SYNPO2: variants seen among roughly 807,000 people sequenced by gnomAD.
The protein encoded by SYNPO2 is synaptopodin 2.
Under a neutral mutation model 85.0 loss-of-function variants are expected in SYNPO2, and 56 were observed. The ratio of observed to expected loss-of-function variants is 0.66; its 90% CI spans 0.53 to 0.82. The LOEUF (loss-of-function observed/expected upper bound fraction) is 0.82, where lower values mean the gene tolerates loss of function less well. SYNPO2 is among the 40% of genes least tolerant of loss of function. SYNPO2 has a pLI of 0.00. For missense variants in SYNPO2, 1,575 were observed against 1,534.2 expected, an observed-to-expected ratio of 1.03 and a Z score of -0.44; for synonymous variants, 602 against 591.1, an observed-to-expected ratio of 1.02 and a Z score of -0.27.
At chr4:119,032,329 G>A (rs1738310097) in intron 4 of SYNPO2, 1 of 1,289,814 alleles carries the variant, frequency 7.8e-7, no homozygotes, top group Non-Finnish European at 9.9e-7. Flanking sequence ...GGAGACTTAG[G>A]ATTTGTGCTG....
intron 1 of SYNPO2, among the ~76,000 whole-genome samples, chr4:118,974,040 T>A (rs975000869): frequency 6.6e-6 from 1 of 152,226 alleles, no homozygotes; most frequent in African/African-American, 2.4e-5. Flanking sequence ...CTTATCTTGG[T>A]CATATGATTT....
intron 1 of SYNPO2, among the ~76,000 whole-genome samples, chr4:118,985,510 C>T (rs1164115018): frequency 6.6e-6 from 1 of 152,232 alleles, no homozygotes; most frequent in African/African-American, 2.4e-5. Context: ...AGGCAAGTGA[C>T]TATCCTCTGT....
At chr4:118,985,712 A>G (rs1736192060) in intron 1 of SYNPO2, among the ~76,000 whole-genome samples, 1 of 152,232 alleles carries the variant, frequency 6.6e-6, no homozygotes, top group Non-Finnish European at 1.5e-5. Flanking sequence ...GTCTTGTTTA[A>G]CATCTGCTGG....
chr4:118,951,739 T>G (rs900908767), intron 1 of SYNPO2, among the ~76,000 whole-genome samples: 4 of 152,196 alleles, frequency 2.6e-5, no homozygotes, highest in Non-Finnish European at 5.9e-5. Flanking sequence ...CGTGAATTTT[T>G]CATAATAAAA....
chr4:118,853,182 T>C (rs1284887638), intron 1 of SYNPO2, among the ~76,000 whole-genome samples: 1 of 152,202 alleles, frequency 6.6e-6, no homozygotes, highest in Non-Finnish European at 1.5e-5. Flanking sequence ...GTTGACTTCA[T>C]TCCTATTTGT....
chr4:118,857,046 A>G (rs1454521677), intron 1 of SYNPO2, among the ~76,000 whole-genome samples: 1 of 152,128 alleles, frequency 6.6e-6, no homozygotes, highest in Non-Finnish European at 1.5e-5. Context: ...ATAATTTAAA[A>G]GAAAATATTG....
chr4:118,927,569 A>G (rs1466474063), intron 1 of SYNPO2, among the ~76,000 whole-genome samples: 1 of 152,126 alleles, frequency 6.6e-6, no homozygotes, highest in African/African-American at 2.4e-5. Context: ...TTGAAATTTC[A>G]TGTAAGAAAG....
chr4:119,046,127 T>C (rs944984223), intron 4 of SYNPO2, among the ~76,000 whole-genome samples: 1 of 152,150 alleles, frequency 6.6e-6, no homozygotes, highest in Non-Finnish European at 1.5e-5. Flanking sequence ...GTTGAGAGGA[T>C]TAATTGAGGT....
At chr4:119,025,946 A>C (rs1050208883) in intron 2 of SYNPO2, among the ~76,000 whole-genome samples, 22 of 152,330 alleles carry the variant, frequency 1.4e-4, no homozygotes, top group African/African-American at 5.1e-4. Flanking sequence ...TTGACTTCAG[A>C]TATCCTAAAA....
rs750660473 is a variant in SYNPO2, at chr4:119,057,726, C to T, written c.3578C>T (p.Ser1193Leu). 5.6e-6 allele frequency: 9 copies of T among 1,614,090 alleles called. No individual in the cohort carries two copies. The highest frequency in any genetic ancestry group is 6.8e-6 in the Non-Finnish European group (8 of 1,180,026). The change falls in exon 5 of 5, where the codon TCA (serine) becomes TTA (leucine). Residue 1193 changes from serine (S) to leucine (L), a missense_variant. Physicochemically the swap from Ser to Leu is moderately radical, Grantham distance 145. Coordinates refer to ENST00000307142, the MANE Select transcript of SYNPO2 (RefSeq NM_133477.3). ...IPQTQKAYMG[S>L]CGRQEYNVTA... Reference sequence around the variant, plus strand: ...CAAACCCAGAAGGCCTATATGGGCTCATGTGGAAGGCAAGAGTATAATGTC... The same window carrying T: ...CAAACCCAGAAGGCCTATATGGGCTTATGTGGAAGGCAAGAGTATAATGTC...
intron 1 of SYNPO2, among the ~76,000 whole-genome samples, chr4:118,881,962 A>G (rs926718673): frequency 6.6e-6 from 1 of 152,244 alleles, no homozygotes. Flanking sequence ...TAACTATTAA[A>G]TATAGGTCCT....
chr4:118,904,573 C>T (rs80235571), intron 1 of SYNPO2, among the ~76,000 whole-genome samples: 232 of 152,296 alleles, frequency 1.5e-3, no homozygotes, highest in African/African-American at 5.2e-3. Context: ...TCTGAATAGT[C>T]AGGAAAATTC....
intron 1 of SYNPO2, among the ~76,000 whole-genome samples, chr4:119,004,850 A>G (rs1031285895): frequency 6.6e-6 from 1 of 152,028 alleles, no homozygotes; most frequent in Admixed American, 6.6e-5. Flanking sequence ...CCAACAGTGT[A>G]AAAGTGTTCC....
In SYNPO2 at chr4:118,980,917, T is replaced by C. The variant is rs574971373; in HGVS notation, c.106-42513T>C. Among the ~76,000 whole-genome samples, 6 of 152,336 alleles carry C rather than the reference T, an allele frequency of 3.9e-5. No homozygotes were observed. In the South Asian group the frequency reaches 1.2e-3, roughly 32 times the overall value. On this transcript the variant is annotated intron_variant, in intron 1 of 4. Transcript: ENST00000307142. The stretch of plus-strand genomic sequence containing the variant: ...GCCTATGTGGAAACTGAGTCTGGAA[T>C]GGTTAAGCGACTTGCTCACAGTCAC...
chr4:118,869,636 C>T (rs1255672923), intron 1 of SYNPO2, among the ~76,000 whole-genome samples: 1 of 151,846 alleles, frequency 6.6e-6, no homozygotes, highest in African/African-American at 2.4e-5. Flanking sequence ...ACTTGAAGGG[C>T]AGGAAAAAAA....
In SYNPO2 at chr4:118,966,884, T is replaced by C. The variant is rs984580935; in HGVS notation, c.106-56546T>C. On this transcript the variant is annotated intron_variant, in intron 1 of 4. Coordinates refer to ENST00000307142, the MANE Select transcript of SYNPO2 (RefSeq NM_133477.3). Reference sequence around the variant, plus strand: ...TGTACTTGAAGAGCAGGTCAGCAGGTCCTTCCTTACAAAGCTCTGAATGAT... The same window carrying C: ...TGTACTTGAAGAGCAGGTCAGCAGGCCCTTCCTTACAAAGCTCTGAATGAT... Among the ~76,000 whole-genome samples, 2 of 152,184 alleles carry C rather than the reference T, an allele frequency of 1.3e-5. 1 individual carries two copies. Among genetic ancestry groups the C allele is most frequent in the South Asian group, 4.1e-4 (2 of 4,830 alleles).
intron 1 of SYNPO2, among the ~76,000 whole-genome samples, chr4:118,975,046 A>G (rs1234065252): frequency 6.6e-6 from 1 of 152,204 alleles, no homozygotes; most frequent in Non-Finnish European, 1.5e-5. Flanking sequence ...TCTTTTCAAT[A>G]TGGTTCTACC....
rs985856480 is a variant in SYNPO2, at chr4:118,889,013, A to G, written c.-24A>G. On this transcript the variant is annotated 5_prime_UTR_variant, in exon 1 of 5. The change abolishes an upstream ATG in the 5' untranslated region. Coordinates refer to ENST00000307142, the MANE Select transcript of SYNPO2 (RefSeq NM_133477.3). ...CTTCGTCTGTCTCGTCAAGCTCTTC[A>G]TGCTGCCCAACTAAAAGGAAAACAT... The G allele has an allele frequency of 2.5e-6, 4 of 1,611,736 alleles. No homozygotes were observed. In the South Asian group the frequency reaches 4.4e-5, roughly 18 times the overall value.
intron 2 of SYNPO2, among the ~76,000 whole-genome samples, chr4:119,024,638 A>C (rs1737862637): frequency 6.6e-6 from 1 of 152,108 alleles, no homozygotes; most frequent in Admixed American, 6.5e-5. Context: ...AAGAGAAAAT[A>C]AGTTTATAAA....
Sources: gnomAD v4.1 joint callset for allele counts (sites outside exome capture counted in the v4.1 genomes callset) on GRCh38, gnomAD v4.1.1 for gene constraint, MANE v1.5 for transcripts, NCBI Gene and HGNC (gene_info 2026-07-23, HGNC 2026-07-21) for gene names.